MED12L: variants seen among roughly 807,000 people sequenced by gnomAD.
MED12L encodes mediator of RNA polymerase II transcription subunit 12-like protein.
Under a neutral mutation model 281.3 loss-of-function variants are expected in MED12L, and 60 were observed. The observed-to-expected ratio is 0.21, with a 90% confidence interval of 0.17 to 0.26. The LOEUF is 0.26. Among genes scored for constraint, MED12L ranks in the 10% least tolerant of loss-of-function variants. The pLI is 1.00. For missense variants in MED12L, 2,146 were observed against 2,680.9 expected, an observed-to-expected ratio of 0.80 and a Z score of 4.41; for synonymous variants, 974 against 987.2, an observed-to-expected ratio of 0.99 and a Z score of 0.25.
In MED12L at chr3:151,090,159, T is replaced by C. The variant is rs141825596; in HGVS notation, c.99+3134T>C. The stretch of plus-strand genomic sequence containing the variant: ...AAGGTAGGCTCTGGTGCCAGTCTGC[T>C]TGGGTTGGGACCCTGGCTGTCCTGT... On this transcript the variant is annotated intron_variant, in intron 2 of 44. Coordinates refer to ENST00000687756, the MANE Select transcript of MED12L (RefSeq NM_001393769.1). Among the ~76,000 whole-genome samples the C allele has an allele frequency of 3.0e-3, 464 of 152,214 alleles. 4 individuals carry two copies. Among genetic ancestry groups the C allele is most frequent in the African/African-American group, 0.01 (431 of 41,530 alleles).
chr3:151,258,299 C>T (rs1738206538), intron 16 of MED12L, among the ~76,000 whole-genome samples: 1 of 152,146 alleles, frequency 6.6e-6, no homozygotes, highest in African/African-American at 2.4e-5. Context: ...CTAGTTCTTC[C>T]CACTTTCTTT....
chr3:151,292,959 A>G (rs1744467366), intron 16 of MED12L, among the ~76,000 whole-genome samples: 1 of 152,192 alleles, frequency 6.6e-6, no homozygotes. Context: ...AGCTATGCAA[A>G]TGACCAACTG....
intron 16 of MED12L, among the ~76,000 whole-genome samples, chr3:151,299,075 A>G (rs1435374871): frequency 2.6e-5 from 4 of 152,238 alleles, no homozygotes; most frequent in Admixed American, 2.6e-4. Flanking sequence ...TATGCATTCT[A>G]TAACATAAAG....
chr3:151,153,562 TTC>T (rs1718856739), intron 5 of MED12L, among the ~76,000 whole-genome samples: 1 of 131,322 alleles, frequency 7.6e-6, no homozygotes, highest in African/African-American at 3.6e-5. Context: ...TCTGTTTTCT[TTC>T]TTTTTTTTTT....
Position 151,434,099 on chromosome 3 carries a change from A to T in MED12L, c.*1295A>T, listed in dbSNP as rs1317900355. Reference sequence around the variant, plus strand: ...AAAATTGCAGGGCATTTTAAAACATATGTGGGGGATATTTTCCCATGTTCT... The same window carrying T: ...AAAATTGCAGGGCATTTTAAAACATTTGTGGGGGATATTTTCCCATGTTCT... On this transcript the variant is annotated 3_prime_UTR_variant, in exon 45 of 45. Coordinates refer to ENST00000687756, the MANE Select transcript of MED12L (RefSeq NM_001393769.1). 1 of 152,200 alleles carries T rather than the reference A, an allele frequency of 6.6e-6. No individual in the cohort carries two copies. Among genetic ancestry groups the T allele is most frequent in the African/African-American group, 2.4e-5 (1 of 41,422 alleles). 9.4% of individuals were successfully genotyped at this position (152,200 alleles called of 1,614,324 possible). A position where few individuals can be genotyped will look rare whatever the true frequency, so the allele number is the denominator to read the frequency against.
chr3:151,305,914 G>A (rs1179301395), intron 16 of MED12L, among the ~76,000 whole-genome samples: 1 of 152,124 alleles, frequency 6.6e-6, no homozygotes, highest in Non-Finnish European at 1.5e-5. Context: ...TGAAAGATGA[G>A]AAGATTTGCT....
At chr3:151,428,093 T>C (rs1719069842) in intron 43 of MED12L, among the ~76,000 whole-genome samples, 1 of 152,226 alleles carries the variant, frequency 6.6e-6, no homozygotes, top group East Asian at 1.9e-4. Context: ...TGGAGTGCTG[T>C]CCTACATTTT....
chr3:151,219,206 G>A (rs1728838995), intron 16 of MED12L, among the ~76,000 whole-genome samples: 1 of 152,174 alleles, frequency 6.6e-6, no homozygotes, highest in South Asian at 2.1e-4. Flanking sequence ...TTAGGATTGT[G>A]CTGCATGAAG....
intron 6 of MED12L, among the ~76,000 whole-genome samples, chr3:151,157,297 T>C (rs1413193617): frequency 6.6e-6 from 1 of 152,160 alleles, no homozygotes; most frequent in Middle Eastern, 3.4e-3. Context: ...GAAATAGTAA[T>C]GTTAAAATTT....
chr3:151,412,199 A>G (rs896871401), intron 41 of MED12L, among the ~76,000 whole-genome samples: 11 of 152,176 alleles, frequency 7.2e-5, no homozygotes, highest in African/African-American at 2.4e-4. Flanking sequence ...ACTAGCTTCA[A>G]TGGTGTGTGA....
intron 16 of MED12L, chr3:151,338,975 TCATTGTAGTAG>T: frequency 3.6e-6 from 3 of 844,722 alleles, no homozygotes; most frequent in Non-Finnish European, 5.9e-6. Context: ...TTTCTCATCT[TCATTGTAGTAG>T]TTAGTATGAA....
At chr3:151,123,252 C>G (rs1005045299) in intron 4 of MED12L, among the ~76,000 whole-genome samples, 3 of 152,020 alleles carry the variant, frequency 2.0e-5, no homozygotes, top group Non-Finnish European at 2.9e-5. Flanking sequence ...AGGCAAGAAG[C>G]CTTCATTTAA....
At chr3:151,410,735 C>CT (rs1434531649) in intron 40 of MED12L, among the ~76,000 whole-genome samples, 3 of 152,168 alleles carry the variant, frequency 2.0e-5, no homozygotes, top group Non-Finnish European at 1.5e-5. Context: ...CCATTCCTGG[C>CT]TAAGGTATTA....
At chr3:151,214,498 T>A (rs1050542043) in intron 16 of MED12L, among the ~76,000 whole-genome samples, 14 of 152,118 alleles carry the variant, frequency 9.2e-5, no homozygotes, top group Non-Finnish European at 2.1e-4. Context: ...CCTCCCTCCC[T>A]CTGTTCTTCC....
intron 2 of MED12L, among the ~76,000 whole-genome samples, chr3:151,087,647 C>G (rs1196242498): frequency 6.6e-6 from 1 of 152,152 alleles, no homozygotes; most frequent in Non-Finnish European, 1.5e-5. Context: ...GTTTTGTATA[C>G]GTAAAAGCAG....
At chr3:151,148,423 G>C (rs1319580336) in intron 5 of MED12L, among the ~76,000 whole-genome samples, 1 of 152,174 alleles carries the variant, frequency 6.6e-6, no homozygotes, top group Non-Finnish European at 1.5e-5. Context: ...ATATATAATA[G>C]CTGACATGTA....
At chr3:151,421,137 A>G (rs1308210203) in intron 43 of MED12L, among the ~76,000 whole-genome samples, 4 of 151,968 alleles carry the variant, frequency 2.6e-5, no homozygotes, top group African/African-American at 9.7e-5. Context: ...CCCTGCCACC[A>G]TGGCCACTTT....
At chr3:151,190,556 A>G (rs534831499) in intron 13 of MED12L, among the ~76,000 whole-genome samples, 161 bp from the exon 14 acceptor site, 2 of 152,344 alleles carry the variant, frequency 1.3e-5, no homozygotes, top group South Asian at 4.1e-4. Context: ...CCTGCCTGTC[A>G]GTTCTGCCCA....
intron 39 of MED12L, among the ~76,000 whole-genome samples, chr3:151,408,397 CT>C: frequency 6.6e-6 from 1 of 152,138 alleles, no homozygotes; most frequent in South Asian, 2.1e-4. Context: ...TAATTTAGCA[CT>C]TTTTAAAATG....
Sources: gnomAD v4.1 joint callset for allele counts (sites outside exome capture counted in the v4.1 genomes callset) on GRCh38, gnomAD v4.1.1 for gene constraint, MANE v1.5 for transcripts, NCBI Gene and HGNC (gene_info 2026-07-23, HGNC 2026-07-21) for gene names.